Variants in GPSM2 observed in about 807,000 individuals in gnomAD.
GPSM2 encodes G protein-signaling modulator 2.
Under a neutral mutation model 78.4 loss-of-function variants are expected in GPSM2, and 58 were observed. The observed-to-expected ratio is 0.74, with a 90% CI of 0.60 to 0.92. GPSM2 has a LOEUF of 0.92. Ranked by LOEUF, GPSM2 falls within the 40% of genes least tolerant of loss-of-function variation. The probability of loss-of-function intolerance (pLI) is 0.00; values close to 1 mark genes in which losing one functional copy is unlikely to be tolerated. For missense variants in GPSM2, 700 were observed against 815.5 expected (o/e 0.86, Z 1.73); for synonymous variants, 224 against 280.2 (o/e 0.80, Z 2.00).
intron 2 of GPSM2, 52 bp downstream of exon 2, chr1:108,885,630 T>G: frequency 9.7e-7 from 1 of 1,035,514 alleles, no homozygotes; most frequent in East Asian, 2.4e-5. Flanking sequence ...TTTTAAAGTG[T>G]TTTTAACTCT....
chr1:108,925,200 A>G (rs899178962), intron 14 of GPSM2, among the ~76,000 whole-genome samples: 1 of 152,164 alleles, frequency 6.6e-6, no homozygotes, highest in Admixed American at 6.5e-5. Flanking sequence ...AAGAAAAGCA[A>G]GTTTGGAGAG....
chr1:108,916,651 A>G (rs1398917767), intron 11 of GPSM2, among the ~76,000 whole-genome samples: 1 of 152,226 alleles, frequency 6.6e-6, no homozygotes, highest in African/African-American at 2.4e-5. Flanking sequence ...CTACCTATGT[A>G]GTGGTACTAA....
intron 2 of GPSM2, among the ~76,000 whole-genome samples, chr1:108,887,373 C>T (rs1332959115): frequency 1.3e-5 from 2 of 152,280 alleles, no homozygotes; most frequent in East Asian, 1.9e-4. Flanking sequence ...GAAAGCTGCT[C>T]TCCAGGACGT....
In GPSM2 at chr1:108,934,241, T is replaced by G. The variant is rs1415160390; in HGVS notation, c.*4301T>G. Reference sequence around the variant, plus strand: ...CTGGTAACGATACTCCATGGCTGCATGAAGATGCTGGAGGCATCAAGTGGG... The same window carrying G: ...CTGGTAACGATACTCCATGGCTGCAGGAAGATGCTGGAGGCATCAAGTGGG... On this transcript the variant is annotated 3_prime_UTR_variant, in exon 15 of 15. Coordinates refer to ENST00000264126, the MANE Select transcript of GPSM2 (RefSeq NM_013296.5). 1 of 165,862 alleles carries G rather than the reference T, an allele frequency of 6.0e-6. No homozygotes were observed. Among genetic ancestry groups the G allele is most frequent in the East Asian group, 1.7e-4 (1 of 5,920 alleles). The allele number at this position is 165,862 out of a possible 1,614,324, so 10.3% of individuals were successfully genotyped here.
At chr1:108,880,896 A>T (rs1665861767) in intron 1 of GPSM2, among the ~76,000 whole-genome samples, 1 of 152,226 alleles carries the variant, frequency 6.6e-6, no homozygotes, top group African/African-American at 2.4e-5. Context: ...TCAGGATCAG[A>T]TAGTTTAGAT....
intron 2 of GPSM2, among the ~76,000 whole-genome samples, chr1:108,889,847 A>G (rs978414845): frequency 4.6e-5 from 7 of 152,134 alleles, no homozygotes; most frequent in Non-Finnish European, 8.8e-5. Context: ...CAAGCTGAAC[A>G]TAGAACACAA....
At chr1:108,899,521 C>T (rs1648635361) in intron 7 of GPSM2, among the ~76,000 whole-genome samples, 1 of 152,198 alleles carries the variant, frequency 6.6e-6, no homozygotes, top group Admixed American at 6.5e-5. Flanking sequence ...CTATATTTGA[C>T]TGTCACTGTA....
At position 108,901,864 on chromosome 1, in the gene GPSM2, C is replaced by T; in HGVS notation, c.872C>T (p.Thr291Ile). ...EAQSCYSLGNTYTLLQDYEKA... is the reference protein window; with the variant it reads ...EAQSCYSLGNIYTLLQDYEKA... ...CAGTCTTGTTACAGTCTTGGAAATA[C>T]ATATACTTTACTTCAAGACTATGAA... Residue 291 changes from threonine to isoleucine, a missense_variant, in exon 8 of 15, where the codon ACA becomes ATA. Thr to Ile is a moderately conservative substitution (Grantham distance 89, BLOSUM62 -1). Transcript: ENST00000264126. 6.2e-7 allele frequency: 1 copy of T among 1,609,630 alleles called. No homozygotes were observed. Among genetic ancestry groups the T allele is most frequent in the South Asian group, 1.1e-5 (1 of 90,986 alleles).
At chr1:108,881,067 A>G (rs1291423522) in intron 1 of GPSM2, among the ~76,000 whole-genome samples, 1 of 152,210 alleles carries the variant, frequency 6.6e-6, no homozygotes, top group Non-Finnish European at 1.5e-5. Context: ...GTCTAAAGGG[A>G]GTCTGTCTAT....
chr1:108,923,128 G>C (rs1488609368), intron 13 of GPSM2, among the ~76,000 whole-genome samples: 1 of 152,074 alleles, frequency 6.6e-6, no homozygotes, highest in African/African-American at 2.4e-5. Flanking sequence ...CTACTCTTGG[G>C]CTCAAGTGAT....
At position 108,918,804 on chromosome 1, in the gene GPSM2, A is replaced by G. The variant is rs199640162; in HGVS notation, c.1440+15A>G. On this transcript the variant is annotated intron_variant, in intron 12 of 14. Transcript: ENST00000264126. ...ATTCTCAGAGGGTACGTTTAAACTA[A>G]GTTTTTGAGTATTGTGTTTTGAGTA... 33 of 1,581,818 alleles carry G rather than the reference A, an allele frequency of 2.1e-5. No homozygotes were observed. Among genetic ancestry groups the G allele is most frequent in the East Asian group, 1.6e-4 (7 of 44,706 alleles).
At chr1:108,915,014 G>T (rs1238413670) in intron 11 of GPSM2, among the ~76,000 whole-genome samples, 1 of 152,068 alleles carries the variant, frequency 6.6e-6, no homozygotes, top group Non-Finnish European at 1.5e-5. Flanking sequence ...TTAGAAACAG[G>T]TTATTGAAGA....
At chr1:108,878,512 A>G (rs1665741270) in intron 1 of GPSM2, among the ~76,000 whole-genome samples, 1 of 152,210 alleles carries the variant, frequency 6.6e-6, no homozygotes, top group African/African-American at 2.4e-5. Flanking sequence ...ATATTTTAAT[A>G]TAGATCTGAG....
At chr1:108,913,092 A>C (rs570663525) in intron 10 of GPSM2, among the ~76,000 whole-genome samples, 1 of 152,126 alleles carries the variant, frequency 6.6e-6, no homozygotes, top group Non-Finnish European at 1.5e-5. Context: ...TGTGGTATTG[A>C]TGGGATAGAA....
intron 9 of GPSM2, 26 bp from the exon 10 acceptor site, chr1:108,904,099 C>T (rs1649042276): frequency 6.5e-7 from 1 of 1,541,488 alleles, no homozygotes; most frequent in South Asian, 1.1e-5. Flanking sequence ...AAATACTACT[C>T]TAAAATATAA....
chr1:108,931,444 T>C lies in GPSM2; in HGVS notation c.*1504T>C, dbSNP rs1193425254. ...TGCAAAGGCCCACGCTTGGAACAAGTTGCCAACTTGTTTCACTCTGCTTGC... is the reference window on the plus strand; with the variant it reads ...TGCAAAGGCCCACGCTTGGAACAAGCTGCCAACTTGTTTCACTCTGCTTGC... On this transcript the variant is annotated 3_prime_UTR_variant, in exon 15 of 15. Coordinates refer to ENST00000264126, the MANE Select transcript of GPSM2 (RefSeq NM_013296.5). The C allele has an allele frequency of 5.8e-6, 9 of 1,550,772 alleles. No homozygotes were observed. Among genetic ancestry groups the C allele is most frequent in the African/African-American group, 1.4e-5 (1 of 73,018 alleles).
Position 108,901,866 on chromosome 1 carries a change from T to C in GPSM2, c.874T>C (p.Tyr292His), listed in dbSNP as rs899841080. 1 of 1,611,320 alleles carries C rather than the reference T, an allele frequency of 6.2e-7. No homozygotes were observed. Among genetic ancestry groups the C allele is most frequent in the Admixed American group, 1.7e-5 (1 of 60,016 alleles). ...AQSCYSLGNT[Y>H]TLLQDYEKAI... ...GTCTTGTTACAGTCTTGGAAATACA[T>C]ATACTTTACTTCAAGACTATGAAAA... Residue 292 changes from tyrosine to histidine, a missense_variant, in exon 8 of 15, where the codon TAT becomes CAT. Tyr to His is a moderately conservative substitution (Grantham distance 83). Transcript: ENST00000264126.
At chr1:108,915,723 C>G (rs1262089182) in intron 11 of GPSM2, among the ~76,000 whole-genome samples, 6 of 151,854 alleles carry the variant, frequency 4.0e-5, no homozygotes, top group Non-Finnish European at 8.8e-5. Flanking sequence ...CTGCTCCTGG[C>G]CTTTCTTTAT....
intron 3 of GPSM2, among the ~76,000 whole-genome samples, 160 bp from the exon 4 acceptor site, chr1:108,897,332 A>G (rs982522533): frequency 6.6e-6 from 1 of 152,224 alleles, no homozygotes; most frequent in Non-Finnish European, 1.5e-5. Flanking sequence ...TAAGTTTTAA[A>G]TATTTATTTA....
Sources: gnomAD v4.1 joint callset for allele counts (sites outside exome capture counted in the v4.1 genomes callset) on GRCh38, gnomAD v4.1.1 for gene constraint, MANE v1.5 for transcripts, NCBI Gene and HGNC (gene_info 2026-07-23, HGNC 2026-07-21) for gene names.